HNRNPUL2: variants seen among roughly 807,000 people sequenced by gnomAD.
The protein encoded by HNRNPUL2 is heterogeneous nuclear ribonucleoprotein U-like protein 2.
A neutral mutation model predicts 102.2 loss-of-function variants in HNRNPUL2; 27 were observed. The ratio of observed to expected loss-of-function variants is 0.26; its 90% CI spans 0.19 to 0.36. The LOEUF (loss-of-function observed/expected upper bound fraction) is 0.36. Ranked by LOEUF, HNRNPUL2 falls within the 10% of genes least tolerant of loss-of-function variation. The pLI is 1.00. For missense variants in HNRNPUL2, 936 were observed against 981.1 expected, an observed-to-expected ratio of 0.95 and a Z score of 0.61; for synonymous variants, 458 against 387.2, an observed-to-expected ratio of 1.18 and a Z score of -2.15.
rs2083756711 is a variant in HNRNPUL2 at position 62,726,914 on chromosome 11, C to T, written c.243G>A (p.Glu81=). Residue 81 remains glutamate (E), a synonymous_variant, in exon 1 of 14, where the codon GAG becomes GAA. Coordinates refer to ENST00000301785, the MANE Select transcript of HNRNPUL2 (RefSeq NM_001079559.3). The part of the protein sequence containing the change: ...PGGDEEEDEE[E]EEEDEEALLE... ...GCAGCGCCTCCTCGTCCTCCTCCTC[C>T]TCCTCTTCGTCCTCCTCCTCGTCCC... 1 of 1,541,274 alleles carries T rather than the reference C, an allele frequency of 6.5e-7. No homozygotes were observed. Among genetic ancestry groups the T allele is most frequent in the Non-Finnish European group, 8.7e-7 (1 of 1,153,916 alleles).
chr11:62,725,583 GACAA>G (rs1387593731), intron 1 of HNRNPUL2, among the ~76,000 whole-genome samples: 4 of 152,182 alleles, frequency 2.6e-5, no homozygotes, highest in South Asian at 2.1e-4. Context: ...CGGGACACAG[GACAA>G]ACAATCTGCA....
Position 62,723,678 on chromosome 11 carries a change from T to C in HNRNPUL2, c.800A>G (p.Gln267Arg), listed in dbSNP as rs1376674533. 6.2e-7 allele frequency: 1 copy of C among 1,614,070 alleles called. No individual in the cohort carries two copies. The change falls in exon 4 of 14, where the codon CAG becomes CGG. Residue 267 changes from glutamine (Q) to arginine (R), a missense_variant. Gln to Arg is a conservative substitution (Grantham distance 43). Coordinates refer to ENST00000301785, the MANE Select transcript of HNRNPUL2 (RefSeq NM_001079559.3). ...GGGGAACTTCTCTGAGAAAAGTGGC[T>C]GCCCTCCATAGCGGTCTTTGCTCAC... ...FQVSKDRYGGQPLFSEKFPTL... is the reference protein window; with the variant it reads ...FQVSKDRYGGRPLFSEKFPTL...
At chr11:62,716,256 G>A (rs185983208) in intron 11 of HNRNPUL2, among the ~76,000 whole-genome samples, 3 of 152,302 alleles carry the variant, frequency 2.0e-5, no homozygotes, top group Non-Finnish European at 2.9e-5. Context: ...CATAGAATCA[G>A]ACTTTCAGCC....
Position 62,712,769 on chromosome 11 carries a change from G to A in HNRNPUL2, c.*2530C>T, listed in dbSNP as rs1464222845. Reference sequence around the variant, plus strand: ...CACAGTTACATTTTTTTTTTAAATGGTAAAACCCCTTTTTACTGGCCACTT... The same window carrying A: ...CACAGTTACATTTTTTTTTTAAATGATAAAACCCCTTTTTACTGGCCACTT... On this transcript the variant is annotated 3_prime_UTR_variant, in exon 14 of 14. Transcript: ENST00000301785. 6.6e-6 allele frequency: 1 copy of A among 151,872 alleles called. No individual in the cohort carries two copies. The allele number at this position is 151,872 out of a possible 1,614,324, so 9.4% of individuals were successfully genotyped here. A position where few individuals can be genotyped will look rare whatever the true frequency, so the allele number is the denominator to read the frequency against.
Position 62,726,643 on chromosome 11 carries a change from C to T in HNRNPUL2, c.514G>A (p.Gly172Ser). Residue 172 changes from glycine (G) to serine (S), a missense_variant, in exon 1 of 14, where the codon GGT becomes AGT. Coordinates refer to ENST00000301785, the MANE Select transcript of HNRNPUL2 (RefSeq NM_001079559.3). Reference sequence around the variant, plus strand: ...CCCTGTTCCTCGGCGGCCTTGTCACCCGGCACCTCGGATCCCGGCGTCTCG... The same window carrying T: ...CCCTGTTCCTCGGCGGCCTTGTCACTCGGCACCTCGGATCCCGGCGTCTCG... ...GDETPGSEVP[G>S]DKAAEEQGDD... 6.3e-7 allele frequency: 1 copy of T among 1,595,088 alleles called. No homozygotes were observed.
Position 62,712,891 on chromosome 11 carries a change from TAA to T in HNRNPUL2, c.*2406_*2407del, listed in dbSNP as rs2083630635. ...GTCTACAACTACAACAGACGTCTGATAAAACACTAAACAAGTCTTCTAAGGAA... is the reference window on the plus strand; with the variant it reads ...GTCTACAACTACAACAGACGTCTGATAACACTAAACAAGTCTTCTAAGGAA... On this transcript the variant is annotated 3_prime_UTR_variant, in exon 14 of 14. Transcript: ENST00000301785. The T allele has an allele frequency of 6.6e-6, 1 of 152,188 alleles. No homozygotes were observed. The highest frequency in any genetic ancestry group is 6.5e-5 in the Admixed American group (1 of 15,280). The allele number at this position is 152,188 out of a possible 1,614,324, so 9.4% of individuals were successfully genotyped here.
intron 13 of HNRNPUL2, 26 bp downstream of exon 13, chr11:62,715,472 CCT>C (rs1446578715): frequency 6.3e-7 from 1 of 1,586,126 alleles, no homozygotes; most frequent in Non-Finnish European, 8.7e-7. Context: ...CCCCCTTCAC[CCT>C]GTGTCTATCC....
chr11:62,726,917 C>T lies in HNRNPUL2; in HGVS notation c.240G>A (p.Glu80=), dbSNP rs935252593. 11 of 1,532,460 alleles carry T rather than the reference C, an allele frequency of 7.2e-6. No homozygotes were observed. In the African/African-American group the frequency reaches 1.1e-4, roughly 16 times the overall value. The allele number at this position is 1,532,460 out of a possible 1,614,324, so 94.9% of individuals were successfully genotyped here. The change falls in exon 1 of 14, where the codon GAG becomes GAA. Residue 80 remains glutamate, a synonymous_variant. Coordinates refer to ENST00000301785, the MANE Select transcript of HNRNPUL2 (RefSeq NM_001079559.3). Reference sequence around the variant, plus strand: ...GCGCCTCCTCGTCCTCCTCCTCCTCCTCTTCGTCCTCCTCCTCGTCCCCGC... The same window carrying T: ...GCGCCTCCTCGTCCTCCTCCTCCTCTTCTTCGTCCTCCTCCTCGTCCCCGC... ...GPGGDEEEDE[E]EEEEDEEALL... is the part of the protein sequence containing the mutation.
chr11:62,720,296 A>C, intron 9 of HNRNPUL2, 105 bp from the exon 10 acceptor site: 1 of 1,114,514 alleles, frequency 9.0e-7, no homozygotes, highest in Non-Finnish European at 1.3e-6. Context: ...CTGTAATCCT[A>C]GCACTTTGGG....
At chr11:62,718,671 C>T (rs1397682315) in intron 10 of HNRNPUL2, among the ~76,000 whole-genome samples, 2 of 126,200 alleles carry the variant, frequency 1.6e-5, no homozygotes, top group South Asian at 2.5e-4. Flanking sequence ...CCAACCTGGG[C>T]GACAAGGGCA....
rs74609855 is a variant in HNRNPUL2 at position 62,725,520 on chromosome 11, T to C, written c.539-1094A>G. Among the ~76,000 whole-genome samples, 1,080 of 152,310 alleles carry C rather than the reference T, an allele frequency of 7.1e-3. 8 individuals carry two copies. The highest frequency in any genetic ancestry group is 0.025 in the African/African-American group (1,035 of 41,554). On this transcript the variant is annotated intron_variant, in intron 1 of 13. Coordinates refer to ENST00000301785, the MANE Select transcript of HNRNPUL2 (RefSeq NM_001079559.3). ...AGCCTATCCTTCAATTATTTTTTTATCTGCTCTTTGGGATATACATAAGTC... is the reference window on the plus strand; with the variant it reads ...AGCCTATCCTTCAATTATTTTTTTACCTGCTCTTTGGGATATACATAAGTC...
chr11:62,723,012 C>A, intron 4 of HNRNPUL2, 109 bp from the exon 5 acceptor site: 2 of 744,906 alleles, frequency 2.7e-6, no homozygotes, highest in Non-Finnish European at 4.6e-6. Flanking sequence ...TTTACCTCAA[C>A]TCAACATCAG....
chr11:62,726,553 G>A lies in HNRNPUL2; in HGVS notation c.538+66C>T, dbSNP rs1182981886. 5 of 1,429,098 alleles carry A rather than the reference G, an allele frequency of 3.5e-6. No homozygotes were observed. The East Asian group carries it at 1.0e-4, about 29-fold the overall frequency. 88.5% of individuals were successfully genotyped at this position (1,429,098 alleles called of 1,614,324 possible). A position where few individuals can be genotyped will look rare whatever the true frequency, so the allele number is the denominator to read the frequency against. On this transcript the variant is annotated intron_variant, in intron 1 of 13. Transcript: ENST00000301785. The stretch of plus-strand genomic sequence containing the variant: ...ACAAGGACTCGGACCCTGCGGTGCA[G>A]GGCGGGGTGCTAGATCAGGGGCGCA...
Position 62,727,193 on chromosome 11 carries a change from C to T in HNRNPUL2, c.-37G>A, listed in dbSNP as rs1330039890. On this transcript the variant is annotated 5_prime_UTR_variant, in exon 1 of 14. Transcript: ENST00000301785. ...CCTCCTCCGCCTCCCGCCGCCTCCT[C>T]CCCTGCGAACCGTCGACCGAGTCCG... is the stretch of plus-strand genomic sequence containing the variant. 2.2e-6 allele frequency: 3 copies of T among 1,382,602 alleles called. No homozygotes were observed. The highest frequency in any genetic ancestry group is 3.2e-5 in the Admixed American group (1 of 31,058). The allele number at this position is 1,382,602 out of a possible 1,614,324, so 85.6% of individuals were successfully genotyped here.
intron 10 of HNRNPUL2, 27 bp from the exon 11 acceptor site, chr11:62,717,216 G>A: frequency 6.3e-7 from 1 of 1,577,798 alleles, no homozygotes; most frequent in South Asian, 1.1e-5. Context: ...GAAGCTTGTG[G>A]GCCTGAAAAG....
At chr11:62,724,072 A>G (rs908883474) in intron 2 of HNRNPUL2, 82 bp from the exon 3 acceptor site, 1 of 1,269,772 alleles carries the variant, frequency 7.9e-7, no homozygotes, top group Non-Finnish European at 1.1e-6. Flanking sequence ...CATTATGTCC[A>G]TTTTAAACTG....
intron 1 of HNRNPUL2, among the ~76,000 whole-genome samples, chr11:62,725,841 C>T (rs2083741310): frequency 6.6e-6 from 1 of 152,178 alleles, no homozygotes; most frequent in Non-Finnish European, 1.5e-5. Context: ...ACTCAACGGA[C>T]CCAACAGCAC....
At chr11:62,721,274 G>T (rs975872341) in intron 9 of HNRNPUL2, 21 bp downstream of exon 9, 5 of 1,594,090 alleles carry the variant, frequency 3.1e-6, no homozygotes, top group Non-Finnish European at 4.3e-6. Context: ...TTGACTCTAG[G>T]CAATTTTATC....
At position 62,714,264 on chromosome 11, in the gene HNRNPUL2, G is replaced by C. The variant is rs558054847; in HGVS notation, c.*1035C>G. The C allele has an allele frequency of 6.6e-6, 1 of 152,096 alleles. No individual in the cohort carries two copies. Among genetic ancestry groups the C allele is most frequent in the East Asian group, 1.9e-4 (1 of 5,158 alleles). The allele number at this position is 152,096 out of a possible 1,614,324, so 9.4% of individuals were successfully genotyped here. On this transcript the variant is annotated 3_prime_UTR_variant, in exon 14 of 14. Coordinates refer to ENST00000301785, the MANE Select transcript of HNRNPUL2 (RefSeq NM_001079559.3). The stretch of plus-strand genomic sequence containing the variant: ...TGCTATTCTCAGCACCTGGGCCTGT[G>C]AGCCCACACCACAGGATTCACCTAT...
Sources: gnomAD v4.1 joint callset for allele counts (sites outside exome capture counted in the v4.1 genomes callset) on GRCh38, gnomAD v4.1.1 for gene constraint, MANE v1.5 for transcripts, NCBI Gene and HGNC (gene_info 2026-07-23, HGNC 2026-07-21) for gene names.